The following SNAPC3 variants were observed in gnomAD, a reference collection of about 807,000 sequenced individuals.
SNAPC3 encodes the protein small nuclear RNA activating complex polypeptide 3, also known as snRNA-activating protein complex subunit 3.
A neutral mutation model predicts 47.7 loss-of-function variants in SNAPC3; 56 were observed. The observed-to-expected ratio is 1.18, with a 90% CI of 0.95 to 1.47. The LOEUF (loss-of-function observed/expected upper bound fraction) is 1.47. Ranked by LOEUF, SNAPC3 falls within the 40% of genes most tolerant of loss-of-function variation. The probability of loss-of-function intolerance (pLI) is 0.00; values close to 1 mark genes in which losing one functional copy is unlikely to be tolerated. For synonymous variants in SNAPC3, 235 were observed against 189.9 expected (o/e 1.24, Z -1.95); for missense variants, 665 against 511.3 (o/e 1.30, Z -2.90).
At chr9:15,446,458 C>A (rs1001537267) in intron 4 of SNAPC3, among the ~76,000 whole-genome samples, 1 of 152,206 alleles carries the variant, frequency 6.6e-6, no homozygotes, top group Non-Finnish European at 1.5e-5. Context: ...CCTCCTGCTT[C>A]GGCCTCCCAA....
At chr9:15,426,870 TG>T (rs1361411264) in intron 2 of SNAPC3, among the ~76,000 whole-genome samples, 6 of 152,202 alleles carry the variant, frequency 3.9e-5, no homozygotes, top group Admixed American at 3.3e-4. Flanking sequence ...TTTGATATAC[TG>T]TGAAGCTAGT....
chr9:15,460,758 C>T lies in SNAPC3; in HGVS notation c.*892C>T, dbSNP rs1208781144. The T allele has an allele frequency of 5.3e-5, 8 of 152,176 alleles. No individual in the cohort carries two copies. The highest frequency in any genetic ancestry group is 8.8e-5 in the Non-Finnish European group (6 of 68,026). 9.4% of individuals were successfully genotyped at this position (152,176 alleles called of 1,614,324 possible). ...AGGTTTTGTTTTGGAGGAAACTAGG[C>T]ATACAAGACATGTTAATAAGACTAT... On this transcript the variant is annotated 3_prime_UTR_variant, in exon 9 of 9. Coordinates refer to ENST00000380821, the MANE Select transcript of SNAPC3 (RefSeq NM_001039697.2).
intron 2 of SNAPC3, among the ~76,000 whole-genome samples, chr9:15,426,820 T>A (rs1469471375): frequency 6.6e-6 from 1 of 152,228 alleles, no homozygotes; most frequent in Non-Finnish European, 1.5e-5. Flanking sequence ...TTATATATAA[T>A]CTAATGTAAA....
intron 7 of SNAPC3, among the ~76,000 whole-genome samples, chr9:15,456,613 A>C (rs1258543996): frequency 9.2e-5 from 14 of 151,932 alleles, no homozygotes; most frequent in Non-Finnish European, 1.3e-4. Flanking sequence ...GATTATAGGC[A>C]TATGCCACCA....
At chr9:15,429,216 A>T (rs1213604849) in intron 2 of SNAPC3, among the ~76,000 whole-genome samples, 1 of 152,208 alleles carries the variant, frequency 6.6e-6, no homozygotes, top group East Asian at 1.9e-4. Flanking sequence ...AGCTCAATGA[A>T]GGTGTGAATT....
At chr9:15,433,716 A>C (rs946928978) in intron 3 of SNAPC3, 80 bp downstream of exon 3, 4 of 877,066 alleles carry the variant, frequency 4.6e-6, no homozygotes, top group Non-Finnish European at 7.4e-6. Flanking sequence ...TAATGACAGT[A>C]TGGTAGCTTT....
At chr9:15,458,392 T>C (rs1182383640) in intron 8 of SNAPC3, among the ~76,000 whole-genome samples, 1 of 152,164 alleles carries the variant, frequency 6.6e-6, no homozygotes, top group Non-Finnish European at 1.5e-5. Flanking sequence ...AAAAGCTCTG[T>C]ACAATAACTC....
intron 1 of SNAPC3, among the ~76,000 whole-genome samples, chr9:15,423,669 G>T (rs1206302257): frequency 2.6e-5 from 4 of 152,156 alleles, no homozygotes; most frequent in African/African-American, 9.7e-5. Context: ...ATTTGGGGAT[G>T]AAAATATAAA....
At chr9:15,454,673 C>T (rs1472598257) in intron 7 of SNAPC3, among the ~76,000 whole-genome samples, 9 of 152,236 alleles carry the variant, frequency 5.9e-5, no homozygotes, top group Non-Finnish European at 1.2e-4. Context: ...CCCGGTGGCT[C>T]ACGCCTGTAA....
intron 2 of SNAPC3, among the ~76,000 whole-genome samples, chr9:15,428,628 A>G (rs971375022): frequency 1.3e-5 from 2 of 152,166 alleles, no homozygotes; most frequent in Non-Finnish European, 2.9e-5. Flanking sequence ...AAAACTATTA[A>G]TAAGAATGGA....
rs145986225 is a variant in SNAPC3 at position 15,455,895 on chromosome 9, A to G, written c.981-2065A>G. Among the ~76,000 whole-genome samples the G allele has an allele frequency of 4.5e-3, 668 of 149,824 alleles. 3 individuals carry two copies. Among genetic ancestry groups the G allele is most frequent in the African/African-American group, 0.016 (643 of 40,578 alleles). ...TGTATTATTTATTTATTTTTTTGAG[A>G]CCGAGTTTCGCTCTTGTTGTCCCAG... On this transcript the variant is annotated intron_variant, in intron 7 of 8. Transcript: ENST00000380821.
intron 3 of SNAPC3, among the ~76,000 whole-genome samples, chr9:15,442,499 C>T (rs1162590242): frequency 6.6e-6 from 1 of 151,404 alleles, no homozygotes; most frequent in Non-Finnish European, 1.5e-5. Context: ...TCAGACCGGG[C>T]GGCTGGGCGG....
downstream of SNAPC3, chr9:15,465,299 G>C: frequency 2.2e-6 from 1 of 450,838 alleles, no homozygotes; most frequent in Non-Finnish European, 3.9e-6. Context: ...TTTTCTAAAT[G>C]GATTTTATCC....
intron 5 of SNAPC3, among the ~76,000 whole-genome samples, chr9:15,449,788 C>T (rs1207730956): frequency 1.3e-5 from 2 of 151,514 alleles, no homozygotes; most frequent in Non-Finnish European, 2.9e-5. Context: ...TCAGGCTGGT[C>T]TTGAACTCCC....
At chr9:15,466,662 T>TATA (rs2035645878), downstream of SNAPC3, 1 of 1,024,722 alleles carries the variant, frequency 9.8e-7, no homozygotes, top group Non-Finnish European at 1.4e-6. Flanking sequence ...AACTGCTTAT[T>TATA]ATAGTAAGAT....
At chr9:15,441,378 C>CTTTTTTTTTTTT (rs1351664407) in intron 3 of SNAPC3, among the ~76,000 whole-genome samples, 38 of 40,506 alleles carry the variant, frequency 9.4e-4, no homozygotes, top group African/African-American at 2.4e-3. Context: ...CAAGAGTTCC[C>CTTTTTTTTTTTT]TTTTCTTTTT....
chr9:15,440,677 C>T lies in SNAPC3; in HGVS notation c.478-3925C>T, dbSNP rs141184472. 2.3e-4 allele frequency among the ~76,000 whole-genome samples: 35 copies of T among 152,218 alleles called. No individual in the cohort carries two copies. In the East Asian group the frequency reaches 5.0e-3, roughly 22 times the overall value. ...AGATTTAAAAAATCAGGGCCGGGCG[C>T]GGTGGCTCACGCCTGTAATCCCAGC... is the stretch of plus-strand genomic sequence containing the variant. On this transcript the variant is annotated intron_variant, in intron 3 of 8. Coordinates refer to ENST00000380821, the MANE Select transcript of SNAPC3 (RefSeq NM_001039697.2).
At chr9:15,440,809 C>T (rs951878171) in intron 3 of SNAPC3, among the ~76,000 whole-genome samples, 2 of 152,074 alleles carry the variant, frequency 1.3e-5, no homozygotes, top group African/African-American at 4.8e-5. Context: ...ATTAGCTGGG[C>T]GCGGTGGCGA....
chr9:15,451,216 A>T, intron 5 of SNAPC3, 104 bp from the exon 6 acceptor site: 1 of 456,040 alleles, frequency 2.2e-6, no homozygotes, highest in Non-Finnish European at 3.9e-6. Context: ...TTTTTAACAC[A>T]TATTAGTGTG....
Sources: gnomAD v4.1 joint callset for allele counts (sites outside exome capture counted in the v4.1 genomes callset) on GRCh38, gnomAD v4.1.1 for gene constraint, MANE v1.5 for transcripts, NCBI Gene and HGNC (gene_info 2026-07-23, HGNC 2026-07-21) for gene names.